Variants in BACE1 observed in about 807,000 individuals in gnomAD.
BACE1 encodes the protein APP beta-secretase.
A neutral mutation model predicts 54.0 loss-of-function variants in BACE1; 21 were observed. The ratio of observed to expected loss-of-function variants is 0.39; its 90% CI spans 0.28 to 0.56. The LOEUF (loss-of-function observed/expected upper bound fraction) is 0.56, where lower values mean the gene tolerates loss of function less well. Ranked by LOEUF, BACE1 falls within the 20% of genes least tolerant of loss-of-function variation. The pLI is 0.63. For missense variants in BACE1, 511 were observed against 661.2 expected, an observed-to-expected ratio of 0.77 and a Z score of 2.49; for synonymous variants, 232 against 260.9, an observed-to-expected ratio of 0.89 and a Z score of 1.07.
Position 117,293,876 on chromosome 11 carries a change from T to G in BACE1, c.700A>C (p.Ser234Arg), listed in dbSNP as rs2034524990. The change falls in exon 4 of 9, where the codon AGC becomes CGC. Residue 234 changes from serine to arginine, a missense_variant. Physicochemically the swap from Ser to Arg is moderately radical, Grantham distance 110 (BLOSUM62 -1). Transcript: ENST00000313005. This position sits in a 1 kb window ranked among gnomAD's most constrained non-coding sequence, Gnocchi z 4.1. ...QSEVLASVGGSMIIGGIDHSL... is the reference protein window; with the variant it reads ...QSEVLASVGGRMIIGGIDHSL... ...CTCTCTGAGGACCTACTCACCATGC[T>G]CCCTCCGACAGAGGCCAGCACTTCA... The G allele has an allele frequency of 6.2e-7, 1 of 1,611,974 alleles. No individual in the cohort carries two copies. Among genetic ancestry groups the G allele is most frequent in the Non-Finnish European group, 8.5e-7 (1 of 1,179,238 alleles).
chr11:117,289,200 T>TA lies in BACE1; in HGVS notation c.*365_*366insT. On this transcript the variant is annotated 3_prime_UTR_variant, in exon 9 of 9. Transcript: ENST00000313005. ...GACACACGCCAAGGTAACCTGCGTG[T>TA]GATGCCAGTACTTCTGAAACTAAGA... The TA allele has an allele frequency of 3.1e-4, 74 of 242,404 alleles. No individual in the cohort carries two copies. The highest frequency in any genetic ancestry group is 5.7e-4 in the South Asian group (8 of 14,046). The allele number at this position is 242,404 out of a possible 1,614,324, so 15.0% of individuals were successfully genotyped here. A position where few individuals can be genotyped will look rare whatever the true frequency, so the allele number is the denominator to read the frequency against.
At position 117,315,950 on chromosome 11, in the gene BACE1, G is replaced by T; in HGVS notation, c.-155C>A. On this transcript the variant is annotated 5_prime_UTR_variant, in exon 1 of 9. Coordinates refer to ENST00000313005, the MANE Select transcript of BACE1 (RefSeq NM_012104.6). This position sits in a 1 kb window ranked among gnomAD's most constrained non-coding sequence, Gnocchi z 5.5. Reference sequence around the variant, plus strand: ...CCTGCAGGGCCCTGGGCCAGCCCCCGGGTCCGGGCTGTGGAGAGCGGTCAG... The same window carrying T: ...CCTGCAGGGCCCTGGGCCAGCCCCCTGGTCCGGGCTGTGGAGAGCGGTCAG... The T allele has an allele frequency of 1.2e-6, 1 of 829,240 alleles. No individual in the cohort carries two copies. The highest frequency in any genetic ancestry group is 2.6e-5 in the South Asian group (1 of 38,106). 51.4% of individuals were successfully genotyped at this position (829,240 alleles called of 1,614,324 possible).
At chr11:117,302,493 T>G (rs1352893715) in intron 1 of BACE1, among the ~76,000 whole-genome samples, 1 of 152,184 alleles carries the variant, frequency 6.6e-6, no homozygotes, top group Non-Finnish European at 1.5e-5. Flanking sequence ...CATCCTCCTC[T>G]CCACTTGCAG....
At chr11:117,305,173 A>T (rs964790197) in intron 1 of BACE1, among the ~76,000 whole-genome samples, 2 of 152,146 alleles carry the variant, frequency 1.3e-5, no homozygotes, top group Non-Finnish European at 2.9e-5. Context: ...TAGAGCAGTT[A>T]TAGTGACTCC....
At chr11:117,303,603 C>T (rs1006074371) in intron 1 of BACE1, among the ~76,000 whole-genome samples, 3 of 152,188 alleles carry the variant, frequency 2.0e-5, no homozygotes, top group African/African-American at 7.2e-5. Context: ...CAAGGGGCAT[C>T]TGTTTAGTGG....
chr11:117,311,333 CA>C (rs1236427137), intron 1 of BACE1, among the ~76,000 whole-genome samples: 3 of 152,114 alleles, frequency 2.0e-5, no homozygotes, highest in African/African-American at 7.2e-5. Flanking sequence ...AATTAATAAA[CA>C]AGCAAATAAA....
intron 1 of BACE1, among the ~76,000 whole-genome samples, chr11:117,306,398 C>T (rs2134484265): frequency 6.6e-6 from 1 of 152,302 alleles, no homozygotes; most frequent in East Asian, 1.9e-4. Flanking sequence ...GAAAATGAAG[C>T]TGACCATGGC....
At chr11:117,290,850 C>A in intron 7 of BACE1, 50 bp downstream of exon 7, 1 of 1,597,212 alleles carries the variant, frequency 6.3e-7, no homozygotes, top group Non-Finnish European at 8.5e-7. Flanking sequence ...CTCACTGTCT[C>A]CCAGTGTGTA....
At position 117,311,790 on chromosome 11, in the gene BACE1, G is replaced by A. The variant is rs145117477; in HGVS notation, c.261+3745C>T. On this transcript the variant is annotated intron_variant, in intron 1 of 8. Transcript: ENST00000313005. ...CGAGTAGCTGGAACTACAGGCACGC[G>A]CCACCACACCCAGCTAATTTTTGTA... Among the ~76,000 whole-genome samples, 1,448 of 152,124 alleles carry A rather than the reference G, an allele frequency of 9.5e-3. 23 individuals carry two copies. The highest frequency in any genetic ancestry group is 0.033 in the African/African-American group (1,384 of 41,530).
intron 1 of BACE1, among the ~76,000 whole-genome samples, chr11:117,312,469 C>CT (rs374854581): frequency 1.5e-3 from 226 of 147,738 alleles, no homozygotes; most frequent in African/African-American, 3.0e-3. Flanking sequence ...ATTCTCTTTT[C>CT]TTTTTTTTTT....
rs755108691 is a variant in BACE1, at chr11:117,287,834, G to A, written c.*1732C>T. ...CTGACTCAGTATTCTTGTTTTATTG[G>A]TTTATGGCTTGTGGGCAGCTGGCTG... On this transcript the variant is annotated 3_prime_UTR_variant, in exon 9 of 9. Transcript: ENST00000313005. The A allele has an allele frequency of 2.0e-5, 3 of 152,658 alleles. No homozygotes were observed. Among genetic ancestry groups the A allele is most frequent in the Non-Finnish European group, 2.9e-5 (2 of 68,056 alleles). The allele number at this position is 152,658 out of a possible 1,614,324, so 9.5% of individuals were successfully genotyped here. A position where few individuals can be genotyped will look rare whatever the true frequency, so the allele number is the denominator to read the frequency against.
rs2034508428 is a variant in BACE1 at position 117,293,381 on chromosome 11, A to G, written c.706-193T>C. ...TTCTTAAATGTGTTCAGGAGAAAAG[A>G]CTTTCCGGGATTTTTAATTATTTGT... On this transcript the variant is annotated intron_variant, in intron 4 of 8. Coordinates refer to ENST00000313005, the MANE Select transcript of BACE1 (RefSeq NM_012104.6). The surrounding 1 kb of genome is among the most constrained non-coding windows in gnomAD (Gnocchi z 4.1). 11 of 484,278 alleles carry G rather than the reference A, an allele frequency of 2.3e-5. No individual in the cohort carries two copies. The highest frequency in any genetic ancestry group is 3.5e-5 in the Non-Finnish European group (10 of 286,872). 30.0% of individuals were successfully genotyped at this position (484,278 alleles called of 1,614,324 possible).
Position 117,289,525 on chromosome 11 carries a change from T to A in BACE1, c.*41A>T, listed in dbSNP as rs1271631722. ...TTGTGACCAAAGTGAACCACGGAGG[T>A]GTGGTCCAGGGGAATCTCTATCTTC... On this transcript the variant is annotated 3_prime_UTR_variant, in exon 9 of 9. Transcript: ENST00000313005. The A allele has an allele frequency of 6.2e-7, 1 of 1,603,468 alleles. No individual in the cohort carries two copies. The highest frequency in any genetic ancestry group is 8.5e-7 in the Non-Finnish European group (1 of 1,173,992).
intron 2 of BACE1, chr11:117,295,742 G>T: frequency 7.0e-7 from 1 of 1,437,842 alleles, no homozygotes; most frequent in Non-Finnish European, 9.2e-7. Context: ...TTACTGCCTT[G>T]GAACCTAGTG....
intron 2 of BACE1, chr11:117,295,606 G>C (rs1369421281): frequency 6.5e-7 from 1 of 1,535,544 alleles, no homozygotes; most frequent in Non-Finnish European, 8.7e-7. Context: ...CTCAGGCCCT[G>C]TGAAGAACAA....
rs1196559071 is a variant in BACE1, at chr11:117,297,262, T to A, written c.262-301A>T. The A allele has an allele frequency of 2.8e-5, 9 of 319,158 alleles. No homozygotes were observed. The South Asian group carries it at 4.0e-4, about 14-fold the overall frequency. The allele number at this position is 319,158 out of a possible 1,614,324, so 19.8% of individuals were successfully genotyped here. A position where few individuals can be genotyped will look rare whatever the true frequency, so the allele number is the denominator to read the frequency against. ...CTAATATGCAAGGGAGTCAAAAAAATATAGGAAGTCAAAGAGATAGCCAGA... is the reference window on the plus strand; with the variant it reads ...CTAATATGCAAGGGAGTCAAAAAAAAATAGGAAGTCAAAGAGATAGCCAGA... On this transcript the variant is annotated intron_variant, in intron 1 of 8. Transcript: ENST00000313005.
At position 117,315,375 on chromosome 11, in the gene BACE1, T is replaced by G. The variant is rs768978752; in HGVS notation, c.261+160A>C. Reference sequence around the variant, plus strand: ...GAGGGAATGGGGAGCTTGGGAACACTTCTGCCAACAACCACGTGACCCCCG... The same window carrying G: ...GAGGGAATGGGGAGCTTGGGAACACGTCTGCCAACAACCACGTGACCCCCG... On this transcript the variant is annotated intron_variant, in intron 1 of 8. Transcript: ENST00000313005. The surrounding 1 kb of genome is among the most constrained non-coding windows in gnomAD (Gnocchi z 5.5). 8.5e-5 allele frequency among the ~76,000 whole-genome samples: 13 copies of G among 152,068 alleles called. No individual in the cohort carries two copies. Among genetic ancestry groups the G allele is most frequent in the Non-Finnish European group, 1.5e-4 (10 of 67,976 alleles).
At chr11:117,308,689 C>A (rs985021321) in intron 1 of BACE1, among the ~76,000 whole-genome samples, 45 of 152,186 alleles carry the variant, frequency 3.0e-4, no homozygotes, top group African/African-American at 1.1e-3. Context: ...GTGGCTCATA[C>A]CTGTAATCCT....
chr11:117,310,508 C>T (rs142029234), intron 1 of BACE1, among the ~76,000 whole-genome samples: 126 of 152,292 alleles, frequency 8.3e-4, no homozygotes, highest in African/African-American at 2.7e-3. Context: ...GCAACCTCTG[C>T]CTCCTGGGTT....
Sources: gnomAD v4.1 joint callset for allele counts (sites outside exome capture counted in the v4.1 genomes callset) on GRCh38, gnomAD v4.1.1 for gene constraint, Gnocchi (gnomAD v3.1) non-coding constraint, MANE v1.5 for transcripts, NCBI Gene and HGNC (gene_info 2026-07-23, HGNC 2026-07-21) for gene names.